The following PRICKLE1 variants were observed in gnomAD, a reference collection of about 807,000 sequenced individuals.
PRICKLE1 encodes the protein prickle planar cell polarity protein 1, also known as prickle-like protein 1.
PRICKLE1 carries 14 observed loss-of-function variants against 70.2 expected under a neutral mutation model. That is an observed-to-expected ratio of 0.20 (90% CI 0.13 to 0.31). The LOEUF (loss-of-function observed/expected upper bound fraction) is 0.31, where lower values mean the gene tolerates loss of function less well. Ranked by LOEUF, PRICKLE1 falls within the 10% of genes least tolerant of loss-of-function variation. The pLI, the probability that PRICKLE1 is intolerant of heterozygous loss-of-function variation, is 1.00. For synonymous variants in PRICKLE1, 357 were observed against 379.9 expected (o/e 0.94, Z 0.70); for missense variants, 821 against 1,026.2 (o/e 0.80, Z 2.73).
At chr12:42,466,064 G>C (rs1237428764) in intron 6 of PRICKLE1, 130 bp downstream of exon 6, 1 of 979,980 alleles carries the variant, frequency 1.0e-6, no homozygotes, top group Non-Finnish European at 1.6e-6. Flanking sequence ...GAACATTTAA[G>C]ATCTGTACAT....
intron 1 of PRICKLE1, among the ~76,000 whole-genome samples, chr12:42,545,789 G>A (rs1489591528): frequency 6.6e-6 from 1 of 151,800 alleles, no homozygotes; most frequent in African/African-American, 2.4e-5. Context: ...GGCAAAGGTT[G>A]CAGTGAGCCG....
At chr12:42,578,778 T>TA (rs1592043755) in intron 1 of PRICKLE1, among the ~76,000 whole-genome samples, 3 of 152,108 alleles carry the variant, frequency 2.0e-5, no homozygotes, top group East Asian at 1.9e-4. Flanking sequence ...TTTATTTATT[T>TA]TGAGACTGAG....
intron 1 of PRICKLE1, among the ~76,000 whole-genome samples, chr12:42,519,193 C>T (rs1186746369): frequency 2.5e-4 from 25 of 99,196 alleles, no homozygotes; most frequent in South Asian, 7.6e-4. Flanking sequence ...CCTTTTTTTC[C>T]TTTTTTTTTT....
At chr12:42,494,486 A>C (rs956450157) in intron 1 of PRICKLE1, among the ~76,000 whole-genome samples, 1 of 152,152 alleles carries the variant, frequency 6.6e-6, no homozygotes, top group Non-Finnish European at 1.5e-5. Flanking sequence ...TCCATCAAGA[A>C]ACCACTTTCT....
chr12:42,526,568 A>C (rs1212525936), intron 1 of PRICKLE1, among the ~76,000 whole-genome samples: 1 of 151,998 alleles, frequency 6.6e-6, no homozygotes, highest in African/African-American at 2.4e-5. Flanking sequence ...TGTGGCTGAG[A>C]GTGCACATGG....
intron 1 of PRICKLE1, among the ~76,000 whole-genome samples, chr12:42,550,763 C>T (rs1404292421): frequency 1.3e-5 from 2 of 152,212 alleles, no homozygotes; most frequent in Non-Finnish European, 2.9e-5. Context: ...AGTAACTTAG[C>T]TTTGAGAACG....
chr12:42,549,231 C>G (rs769806877), intron 1 of PRICKLE1, among the ~76,000 whole-genome samples: 39 of 151,826 alleles, frequency 2.6e-4, no homozygotes, highest in Non-Finnish European at 2.9e-5. Flanking sequence ...ACCCGCCCAG[C>G]GTTCCTCATT....
intron 1 of PRICKLE1, among the ~76,000 whole-genome samples, chr12:42,514,320 G>A (rs2120417304): frequency 6.6e-6 from 1 of 152,188 alleles, no homozygotes; most frequent in Non-Finnish European, 1.5e-5. Context: ...TTTCCTCTGT[G>A]TATGCTTGTG....
rs139520280 is a variant in PRICKLE1 at position 42,470,647 on chromosome 12, TG to T, written c.133-289del. On this transcript the variant is annotated intron_variant, in intron 2 of 7. Transcript: ENST00000345127. ...TCTTCCCGGTGGTGTGGCTCACGCCTGTAATCCCAGCACTCTGGGAGGCTGA... is the reference window on the plus strand; with the variant it reads ...TCTTCCCGGTGGTGTGGCTCACGCCTTAATCCCAGCACTCTGGGAGGCTGA... Among the ~76,000 whole-genome samples the T allele has an allele frequency of 0.032, 4,818 of 152,292 alleles. 257 individuals are homozygous for T. Among genetic ancestry groups the T allele is most frequent in the African/African-American group, 0.11 (4,557 of 41,540 alleles).
chr12:42,475,512 G>A (rs567275648), intron 1 of PRICKLE1, among the ~76,000 whole-genome samples: 3 of 152,074 alleles, frequency 2.0e-5, no homozygotes, highest in Non-Finnish European at 4.4e-5. Flanking sequence ...CTGCCTCCAG[G>A]GGGGGAGTGC....
At chr12:42,586,485 G>T (rs1309038868) in intron 1 of PRICKLE1, among the ~76,000 whole-genome samples, 2 of 151,940 alleles carry the variant, frequency 1.3e-5, no homozygotes, top group Admixed American at 6.6e-5. Context: ...AGTAGCTGGG[G>T]CTATAGAGCC....
intron 1 of PRICKLE1, among the ~76,000 whole-genome samples, chr12:42,566,370 G>A (rs1005576220): frequency 1.3e-5 from 2 of 152,180 alleles, no homozygotes; most frequent in African/African-American, 4.8e-5. Flanking sequence ...AACCTAGAAG[G>A]ATACACACGG....
chr12:42,581,608 G>A (rs1030096223), intron 1 of PRICKLE1, among the ~76,000 whole-genome samples: 4 of 151,932 alleles, frequency 2.6e-5, no homozygotes, highest in African/African-American at 7.3e-5. Context: ...TTAGCCAGGC[G>A]TGGTGGCATA....
chr12:42,465,092 G>C lies in PRICKLE1; in HGVS notation c.942C>G (p.Ala314=). 1 of 1,565,282 alleles carries C rather than the reference G, an allele frequency of 6.4e-7. No individual in the cohort carries two copies. Among genetic ancestry groups the C allele is most frequent in the Non-Finnish European group, 8.6e-7 (1 of 1,159,996 alleles). Residue 314 remains alanine, a synonymous_variant, in exon 7 of 8, where the codon GCC becomes GCG. Transcript: ENST00000345127. ...KTCSLGEDVH[A]SDSSDSAFQS... ...GAAATGCAGAGTCGGAAGAATCAGAGGCATGGACGTCTTCACCAAGACTGC... is the reference window on the plus strand; with the variant it reads ...GAAATGCAGAGTCGGAAGAATCAGACGCATGGACGTCTTCACCAAGACTGC...
At chr12:42,500,549 C>T (rs1266825763) in intron 1 of PRICKLE1, among the ~76,000 whole-genome samples, 3 of 152,074 alleles carry the variant, frequency 2.0e-5, no homozygotes, top group Non-Finnish European at 2.9e-5. Flanking sequence ...TTCTACTGAA[C>T]GTATCTCACA....
At chr12:42,587,066 TA>T (rs931197135) in intron 1 of PRICKLE1, among the ~76,000 whole-genome samples, 7 of 152,174 alleles carry the variant, frequency 4.6e-5, no homozygotes, top group African/African-American at 1.7e-4. Context: ...CATGGACAAA[TA>T]GTGCTTCCAT....
chr12:42,552,524 T>G (rs1940334849), intron 1 of PRICKLE1, among the ~76,000 whole-genome samples: 1 of 152,246 alleles, frequency 6.6e-6, no homozygotes, highest in South Asian at 2.1e-4. Context: ...CTATTTGCTT[T>G]TTTATTCTTA....
At position 42,553,484 on chromosome 12, in the gene PRICKLE1, T is replaced by G. The variant is rs537923534; in HGVS notation, c.-49+35981A>C. 2.3e-5 allele frequency among the ~76,000 whole-genome samples: 3 copies of G among 132,890 alleles called. No individual in the cohort carries two copies. In the East Asian group the frequency reaches 7.4e-4, roughly 33 times the overall value. The allele number at this position is 132,890 out of a possible 152,430, so 87.2% of individuals were successfully genotyped here. On this transcript the variant is annotated intron_variant, in intron 1 of 7. Coordinates refer to ENST00000345127, the MANE Select transcript of PRICKLE1 (RefSeq NM_153026.3). ...GTTTTTCTCCAAACAATAAGTCCAT[T>G]GTGTTGTGTTACTGAAAGGCAAATT...
At chr12:42,478,348 TC>T (rs1938651897) in intron 1 of PRICKLE1, among the ~76,000 whole-genome samples, 1 of 152,220 alleles carries the variant, frequency 6.6e-6, no homozygotes, top group African/African-American at 2.4e-5. Flanking sequence ...ATCCTATTTC[TC>T]CAGTGTCTCT....
Sources: allele counts gnomAD v4.1 joint callset (sites outside exome capture counted in the v4.1 genomes callset), GRCh38; gene constraint gnomAD v4.1.1; transcripts MANE v1.5; gene names NCBI Gene and HGNC (gene_info 2026-07-23, HGNC 2026-07-21).